EVI5: variants seen among roughly 807,000 people sequenced by gnomAD.
The protein encoded by EVI5 is ecotropic viral integration site 5 protein homolog.
A neutral mutation model predicts 112.0 loss-of-function variants in EVI5; 73 were observed. That is an observed-to-expected ratio of 0.65 (90% CI 0.54 to 0.79). EVI5 has a LOEUF of 0.79. EVI5 is among the 30% of genes least tolerant of loss of function. The pLI, the probability that EVI5 is intolerant of heterozygous loss-of-function variation, is 0.00. For missense variants in EVI5, 900 were observed against 968.8 expected (o/e 0.93, Z 0.94); for synonymous variants, 305 against 319.9 (o/e 0.95, Z 0.50).
intron 5 of EVI5, among the ~76,000 whole-genome samples, chr1:92,700,059 A>G (rs1383681527): frequency 1.3e-5 from 2 of 152,204 alleles, no homozygotes; most frequent in East Asian, 3.8e-4. Context: ...TCCTTCTCAA[A>G]AAAATTGAAA....
intron 2 of EVI5, among the ~76,000 whole-genome samples, chr1:92,706,758 A>G (rs896694151): frequency 1.1e-4 from 17 of 152,362 alleles, no homozygotes; most frequent in African/African-American, 3.6e-4. Context: ...AGCTGTGAGG[A>G]ACGTTTACAA....
At chr1:92,671,514 T>C (rs1665875461) in intron 10 of EVI5, among the ~76,000 whole-genome samples, 1 of 152,188 alleles carries the variant, frequency 6.6e-6, no homozygotes, top group Admixed American at 6.5e-5. Flanking sequence ...ATTTATATTT[T>C]GAGCTTGGCT....
At chr1:92,544,612 A>C (rs1247237794) in intron 19 of EVI5, among the ~76,000 whole-genome samples, 1 of 152,208 alleles carries the variant, frequency 6.6e-6, no homozygotes, top group South Asian at 2.1e-4. Context: ...AATGGTTTAG[A>C]CTGAAATATT....
chr1:92,748,699 A>G (rs995996903), intron 1 of EVI5, among the ~76,000 whole-genome samples: 7 of 145,982 alleles, frequency 4.8e-5, no homozygotes, highest in African/African-American at 1.7e-4. Flanking sequence ...AGAGGCTTCA[A>G]ATAATTGAGA....
chr1:92,712,536 G>T (rs1013624258), intron 2 of EVI5, among the ~76,000 whole-genome samples: 2 of 151,758 alleles, frequency 1.3e-5, no homozygotes, highest in Non-Finnish European at 2.9e-5. Context: ...CCACAGAAAA[G>T]GTAATATAAT....
At chr1:92,628,631 C>A (rs1557937366) in intron 14 of EVI5, among the ~76,000 whole-genome samples, 1 of 152,004 alleles carries the variant, frequency 6.6e-6, no homozygotes, top group African/African-American at 2.4e-5. Flanking sequence ...ACAGGGTAGC[C>A]CAGTATCAAA....
At chr1:92,660,722 A>T (rs1663846526) in intron 13 of EVI5, among the ~76,000 whole-genome samples, 2 of 152,200 alleles carry the variant, frequency 1.3e-5, no homozygotes, top group Middle Eastern at 6.8e-3. Flanking sequence ...CAGACATAAA[A>T]GTCACATACC....
chr1:92,727,699 C>T (rs185660017), intron 2 of EVI5, among the ~76,000 whole-genome samples: 1 of 152,000 alleles, frequency 6.6e-6, no homozygotes, highest in Non-Finnish European at 1.5e-5. Context: ...CAAAACCCAA[C>T]TAAATGCTAC....
At chr1:92,712,365 A>C (rs1672977749) in intron 2 of EVI5, among the ~76,000 whole-genome samples, 1 of 152,012 alleles carries the variant, frequency 6.6e-6, no homozygotes, top group South Asian at 2.1e-4. Flanking sequence ...TGTGTTTAAG[A>C]TCAGGGCTTG....
chr1:92,652,507 C>T (rs751456640), intron 13 of EVI5, among the ~76,000 whole-genome samples: 1 of 152,012 alleles, frequency 6.6e-6, no homozygotes, highest in Non-Finnish European at 1.5e-5. Flanking sequence ...TATTTTATCA[C>T]AATGAAAAAA....
chr1:92,679,073 C>T (rs549858916), intron 9 of EVI5, among the ~76,000 whole-genome samples: 13 of 152,254 alleles, frequency 8.5e-5, no homozygotes, highest in African/African-American at 3.1e-4. Context: ...AACATCACTG[C>T]CTGAGCTCCA....
chr1:92,609,367 A>AT (rs1035114145), intron 16 of EVI5, among the ~76,000 whole-genome samples: 15 of 150,106 alleles, frequency 1.0e-4, no homozygotes, highest in South Asian at 4.2e-4. Flanking sequence ...ATTTCATTTC[A>AT]TTTTTTTTTT....
intron 1 of EVI5, among the ~76,000 whole-genome samples, chr1:92,752,886 A>T (rs140785218): frequency 6.6e-6 from 1 of 152,168 alleles, no homozygotes; most frequent in Non-Finnish European, 1.5e-5. Flanking sequence ...TTTCTAAAAG[A>T]ACACTTTATT....
chr1:92,535,728 G>A (rs561030710), intron 19 of EVI5, among the ~76,000 whole-genome samples: 89 of 152,088 alleles, frequency 5.9e-4, no homozygotes, highest in Non-Finnish European at 1.1e-3. Context: ...ATGGACACAG[G>A]GAGAGGAACA....
In EVI5 at chr1:92,523,502, C is replaced by T. The variant is rs112276999; in HGVS notation, c.2167-9532G>A. ...CTTCAGATTATTTTATCTTCAAATA[C>T]GGGTATATAAAGTAAGTAAAAACAA... On this transcript the variant is annotated intron_variant, in intron 19 of 19. Coordinates refer to ENST00000684568, the MANE Select transcript of EVI5 (RefSeq NM_001350197.2). Among the ~76,000 whole-genome samples, 1,049 of 151,892 alleles carry T rather than the reference C, an allele frequency of 6.9e-3. 18 individuals carry two copies. Among genetic ancestry groups the T allele is most frequent in the African/African-American group, 0.024 (998 of 41,460 alleles).
chr1:92,620,065 C>T (rs75896602), intron 16 of EVI5, among the ~76,000 whole-genome samples: 2,030 of 152,214 alleles, frequency 0.013, 28 homozygotes, highest in Admixed American at 0.018. Flanking sequence ...CAACCAAGGG[C>T]CGGGCGTGCT....
chr1:92,606,922 A>C (rs1213266890), intron 17 of EVI5, among the ~76,000 whole-genome samples: 18 of 129,076 alleles, frequency 1.4e-4, no homozygotes, highest in South Asian at 2.4e-4. Flanking sequence ...ACACACACAC[A>C]CCCCCCCAAA....
At chr1:92,560,861 A>G (rs1315589091) in intron 19 of EVI5, among the ~76,000 whole-genome samples, 2 of 137,612 alleles carry the variant, frequency 1.5e-5, no homozygotes, top group African/African-American at 5.6e-5. Context: ...CATTGCACCC[A>G]GCCTACAAAA....
chr1:92,592,817 T>G (rs1386144451), intron 18 of EVI5, among the ~76,000 whole-genome samples: 1 of 152,176 alleles, frequency 6.6e-6, no homozygotes, highest in Non-Finnish European at 1.5e-5. Flanking sequence ...CTAGAAAATC[T>G]AGAAGTAATG....
Sources: allele counts gnomAD v4.1 joint callset (sites outside exome capture counted in the v4.1 genomes callset), GRCh38; gene constraint gnomAD v4.1.1; transcripts MANE v1.5; gene names NCBI Gene and HGNC (gene_info 2026-07-23, HGNC 2026-07-21).